Variants in EPB41L5 observed in about 807,000 individuals in gnomAD.
EPB41L5 encodes erythrocyte membrane protein band 4.1 like 5.
EPB41L5 carries 55 observed loss-of-function variants against 106.6 expected under a neutral mutation model. The ratio of observed to expected loss-of-function variants is 0.52; its 90% CI spans 0.42 to 0.65. The LOEUF is 0.65. EPB41L5 is among the 30% of genes least tolerant of loss of function. The pLI is 0.00. For synonymous variants in EPB41L5, 297 were observed against 306.7 expected, an observed-to-expected ratio of 0.97 and a Z score of 0.33; for missense variants, 871 against 882.1, an observed-to-expected ratio of 0.99 and a Z score of 0.16.
rs1683337892 is a variant in EPB41L5, at chr2:120,090,514, T to C, written c.1041T>C (p.Tyr347=). Residue 347 remains tyrosine (Y), a splice_region_variant and synonymous_variant, in exon 12 of 25, where the codon TAT becomes TAC. Transcript: ENST00000263713. The part of the protein sequence containing the change: ...GFIRLGSRFR[Y]SGKTEYQTTK... The stretch of plus-strand genomic sequence containing the variant: ...TTCGACTAGGATCACGATTTAGATA[T>C]AGGTTAATTTTAATTGCTGTTTTAT... The C allele has an allele frequency of 1.9e-6, 3 of 1,607,082 alleles. No homozygotes were observed. Among genetic ancestry groups the C allele is most frequent in the South Asian group, 2.2e-5 (2 of 89,522 alleles).
chr2:120,037,539 G>A (rs1023652066), intron 2 of EPB41L5, among the ~76,000 whole-genome samples: 1 of 152,100 alleles, frequency 6.6e-6, no homozygotes, highest in Non-Finnish European at 1.5e-5. Context: ...CTGTGGGGCT[G>A]CGTGTGATGG....
At chr2:120,105,531 T>C in intron 16 of EPB41L5, 2 of 985,266 alleles carry the variant, frequency 2.0e-6, no homozygotes, top group Non-Finnish European at 1.2e-6. Flanking sequence ...AGTTTGTCCA[T>C]AGAAGACCTA....
In EPB41L5 at chr2:120,021,420, G is replaced by T. The variant is rs371022284; in HGVS notation, c.180+2156G>T. On this transcript the variant is annotated intron_variant, in intron 2 of 24. Transcript: ENST00000263713. ...AGCACTTTGGGAGGCCGAGGTGGGC[G>T]GATCACAAGGTCAGGAGTTTGAGAC... Among the ~76,000 whole-genome samples, 102 of 152,138 alleles carry T rather than the reference G, an allele frequency of 6.7e-4. No homozygotes were observed. In the South Asian group the frequency reaches 0.01, roughly 15 times the overall value.
At chr2:120,020,395 A>G (rs577654507) in intron 2 of EPB41L5, among the ~76,000 whole-genome samples, 212 of 152,362 alleles carry the variant, frequency 1.4e-3, no homozygotes, top group African/African-American at 5.0e-3. Context: ...TATGTACATT[A>G]TACATTTTAA....
intron 3 of EPB41L5, among the ~76,000 whole-genome samples, chr2:120,068,412 A>G (rs567266540): frequency 2.4e-4 from 36 of 152,324 alleles, no homozygotes; most frequent in African/African-American, 8.7e-4. Flanking sequence ...GGTCTAGCTC[A>G]GTGGATCTCA....
At chr2:120,123,349 G>C (rs1685313672) in intron 16 of EPB41L5, among the ~76,000 whole-genome samples, 1 of 152,038 alleles carries the variant, frequency 6.6e-6, no homozygotes, top group Admixed American at 6.5e-5. Context: ...TTCACTCTCA[G>C]CCCTTCACGT....
chr2:120,022,125 C>G (rs1190019184), intron 2 of EPB41L5, among the ~76,000 whole-genome samples: 2 of 151,852 alleles, frequency 1.3e-5, no homozygotes, highest in Non-Finnish European at 2.9e-5. Flanking sequence ...AATGTAAAAC[C>G]CTTATAAGTT....
intron 3 of EPB41L5, among the ~76,000 whole-genome samples, chr2:120,058,646 A>G (rs933198541): frequency 6.6e-6 from 1 of 152,188 alleles, no homozygotes; most frequent in African/African-American, 2.4e-5. Flanking sequence ...GGCAACTACC[A>G]CCTAGCTCCA....
chr2:120,126,581 C>T (rs559570810), intron 16 of EPB41L5, among the ~76,000 whole-genome samples: 17 of 152,124 alleles, frequency 1.1e-4, no homozygotes, highest in Admixed American at 2.0e-4. Flanking sequence ...TTTATCTTGT[C>T]AAAAAGCCTT....
chr2:120,015,320 C>CAA (rs531896856), intron 1 of EPB41L5, among the ~76,000 whole-genome samples: 29 of 124,434 alleles, frequency 2.3e-4, no homozygotes, highest in Middle Eastern at 4.2e-3. Flanking sequence ...GAGCGAGACT[C>CAA]AAAAAAAAAA....
At chr2:120,164,591 A>G (rs1302934122) in intron 21 of EPB41L5, among the ~76,000 whole-genome samples, 1 of 152,218 alleles carries the variant, frequency 6.6e-6, no homozygotes, top group African/African-American at 2.4e-5. Context: ...GTCTTACCAA[A>G]GGAGAATAGC....
chr2:120,103,852 T>G (rs574322271), intron 16 of EPB41L5, among the ~76,000 whole-genome samples: 7 of 152,232 alleles, frequency 4.6e-5, no homozygotes, highest in Non-Finnish European at 8.8e-5. Flanking sequence ...ATTTCCATAT[T>G]GGTATTTTTC....
At chr2:120,089,763 G>GT (rs886480099) in intron 11 of EPB41L5, among the ~76,000 whole-genome samples, 4 of 152,058 alleles carry the variant, frequency 2.6e-5, no homozygotes, top group African/African-American at 9.7e-5. Context: ...TGTTAGAGGT[G>GT]TATGTAGATT....
At chr2:120,128,111 T>C (rs940959076) in intron 17 of EPB41L5, 20 of 244,472 alleles carry the variant, frequency 8.2e-5, no homozygotes, top group Admixed American at 7.6e-4. Context: ...TTGCTTTTTT[T>C]CTAGAGTGGA....
At chr2:120,070,792 T>C (rs776087310) in intron 3 of EPB41L5, among the ~76,000 whole-genome samples, 1 of 152,190 alleles carries the variant, frequency 6.6e-6, no homozygotes, top group Non-Finnish European at 1.5e-5. Flanking sequence ...CAACAGCCCT[T>C]CATGTTAAAA....
At chr2:120,171,900 T>C (rs1687690465) in intron 24 of EPB41L5, among the ~76,000 whole-genome samples, 2 of 148,170 alleles carry the variant, frequency 1.3e-5, no homozygotes, top group South Asian at 2.1e-4. Flanking sequence ...TTTTGACAAA[T>C]AGAAGTAGGA....
rs147020686 is a variant in EPB41L5 at position 120,099,042 on chromosome 2, T to C, written c.1179-1202T>C. On this transcript the variant is annotated intron_variant, in intron 14 of 24. Transcript: ENST00000263713. ...CGGGGTACCCGAAGTATTCTTTCCT[T>C]ATCCTTGAAGTTGAGTGGCTGAACA... Among the ~76,000 whole-genome samples, 640 of 152,376 alleles carry C rather than the reference T, an allele frequency of 4.2e-3. 3 individuals are homozygous for C. Among genetic ancestry groups the C allele is most frequent in the Non-Finnish European group, 6.9e-3 (471 of 68,030 alleles).
intron 19 of EPB41L5, among the ~76,000 whole-genome samples, chr2:120,145,705 G>T (rs1686370907): frequency 6.6e-6 from 1 of 152,166 alleles, no homozygotes. Flanking sequence ...ACCACCTTGG[G>T]AGGCCCAGGC....
intron 17 of EPB41L5, among the ~76,000 whole-genome samples, chr2:120,128,492 A>G (rs1423140261): frequency 1.3e-5 from 2 of 152,216 alleles, no homozygotes; most frequent in African/African-American, 4.8e-5. Flanking sequence ...AAAATTAGCC[A>G]CCATCATTAA....
Sources: allele counts gnomAD v4.1 joint callset (sites outside exome capture counted in the v4.1 genomes callset), GRCh38; gene constraint gnomAD v4.1.1; transcripts MANE v1.5; gene names NCBI Gene and HGNC (gene_info 2026-07-23, HGNC 2026-07-21).